Variants in NTM observed in about 807,000 individuals in gnomAD.
NTM encodes the protein neurotrimin, also known as IgLON family member 2.
Under a neutral mutation model 42.1 loss-of-function variants are expected in NTM, and 13 were observed. The ratio of observed to expected loss-of-function variants is 0.31; its 90% confidence interval spans 0.20 to 0.49. The LOEUF (loss-of-function observed/expected upper bound fraction) is 0.49, where lower values mean the gene tolerates loss of function less well. Among genes scored for constraint, NTM ranks in the 20% least tolerant of loss-of-function variants. The probability of loss-of-function intolerance (pLI) is 0.99; values close to 1 mark genes in which losing one functional copy is unlikely to be tolerated. For synonymous variants in NTM, 187 were observed against 179.2 expected (o/e 1.04, Z -0.35); for missense variants, 373 against 452.8 (o/e 0.82, Z 1.60).
chr11:131,375,192 G>T (rs35974940), intron 1 of NTM, among the ~76,000 whole-genome samples: 4,981 of 152,102 alleles, frequency 0.033, 98 homozygotes, highest in Middle Eastern at 0.048. Flanking sequence ...CCCTCTGCGG[G>T]CCTATCTCCC....
chr11:132,163,447 T>A (rs755293029), intron 3 of NTM, among the ~76,000 whole-genome samples: 4 of 152,218 alleles, frequency 2.6e-5, no homozygotes, highest in Non-Finnish European at 5.9e-5. Context: ...AACCTGATTA[T>A]GTGGCAGCCA....
At chr11:132,198,079 C>T (rs1279779291) in intron 3 of NTM, among the ~76,000 whole-genome samples, 2 of 152,198 alleles carry the variant, frequency 1.3e-5, no homozygotes, top group African/African-American at 2.4e-5. Context: ...GCCACCCTGA[C>T]TTCCACAATG....
At chr11:132,025,440 C>T (rs1319809402) in intron 2 of NTM, among the ~76,000 whole-genome samples, 1 of 152,174 alleles carries the variant, frequency 6.6e-6, no homozygotes, top group Admixed American at 6.5e-5. Flanking sequence ...AAAATGTGGT[C>T]CTGGGACTTG....
chr11:131,483,006 C>G (rs530171295), intron 1 of NTM, among the ~76,000 whole-genome samples: 1 of 152,180 alleles, frequency 6.6e-6, no homozygotes, highest in Non-Finnish European at 1.5e-5. Context: ...AAGCAGATCT[C>G]TTTTAATCTT....
At chr11:132,088,536 A>C (rs1045376814) in intron 2 of NTM, among the ~76,000 whole-genome samples, 10 of 152,184 alleles carry the variant, frequency 6.6e-5, no homozygotes, top group African/African-American at 2.2e-4. Context: ...TCCTGCATGC[A>C]GGTTTCCCCC....
chr11:131,396,833 CAA>C (rs143652343), intron 1 of NTM, among the ~76,000 whole-genome samples: 1 of 143,732 alleles, frequency 7.0e-6, no homozygotes, highest in Non-Finnish European at 1.5e-5. Flanking sequence ...AATTCTGTCT[CAA>C]AAAAAAAAAA....
At chr11:131,567,060 G>GT (rs1169766352) in intron 1 of NTM, among the ~76,000 whole-genome samples, 2 of 152,078 alleles carry the variant, frequency 1.3e-5, no homozygotes, top group East Asian at 3.9e-4. Flanking sequence ...GGGGTTGGGT[G>GT]TAAGCTGGGG....
intron 1 of NTM, among the ~76,000 whole-genome samples, chr11:131,869,176 T>C (rs1219561304): frequency 6.6e-6 from 1 of 152,178 alleles, no homozygotes; most frequent in Non-Finnish European, 1.5e-5. Context: ...CTTTTTTTAA[T>C]GTGTGTGCTA....
intron 1 of NTM, among the ~76,000 whole-genome samples, chr11:131,482,994 T>C (rs1953774930): frequency 1.3e-5 from 2 of 152,220 alleles, no homozygotes; most frequent in African/African-American, 4.8e-5. Flanking sequence ...CTGATGGTTA[T>C]CAAGCAGATC....
At chr11:131,424,520 A>C (rs1344387307) in intron 1 of NTM, among the ~76,000 whole-genome samples, 1 of 150,840 alleles carries the variant, frequency 6.6e-6, no homozygotes, top group East Asian at 2.0e-4. Context: ...GTGAAGCAGC[A>C]TGTTTATCTC....
At chr11:132,251,569 G>T (rs1453156550) in intron 4 of NTM, among the ~76,000 whole-genome samples, 1 of 152,162 alleles carries the variant, frequency 6.6e-6, no homozygotes, top group Non-Finnish European at 1.5e-5. Flanking sequence ...AAAGGGCAAG[G>T]CATGTGGAAG....
chr11:132,290,270 T>C (rs2094411679), intron 4 of NTM, among the ~76,000 whole-genome samples: 1 of 152,014 alleles, frequency 6.6e-6, no homozygotes, highest in Non-Finnish European at 1.5e-5. Flanking sequence ...TTTTTTTTTT[T>C]TATTATCACT....
In NTM at chr11:132,243,474, G is replaced by A. The variant is rs190880304; in HGVS notation, c.526+31327G>A. On this transcript the variant is annotated intron_variant, in intron 4 of 8. Coordinates refer to ENST00000683400, the MANE Select transcript of NTM (RefSeq NM_001352005.2). ...GCTCTGAATAATTCTCTGTGGGGCT[G>A]GCCTGGGAGTGCAGAATCCCTCTGC... Among the ~76,000 whole-genome samples, 27 of 152,298 alleles carry A rather than the reference G, an allele frequency of 1.8e-4. No individual in the cohort carries two copies. In the East Asian group the frequency reaches 5.0e-3, roughly 28 times the overall value.
At chr11:132,259,873 C>T (rs1167758105) in intron 4 of NTM, among the ~76,000 whole-genome samples, 4 of 151,806 alleles carry the variant, frequency 2.6e-5, no homozygotes, top group East Asian at 2.0e-4. Flanking sequence ...CTCAGCCTGC[C>T]AAGAAGCTGG....
At chr11:131,809,927 T>C (rs2092669502) in intron 1 of NTM, among the ~76,000 whole-genome samples, 1 of 152,236 alleles carries the variant, frequency 6.6e-6, no homozygotes, top group South Asian at 2.1e-4. Flanking sequence ...GATAGAAGGT[T>C]AATGCATACG....
chr11:132,186,397 G>A (rs771500979), intron 3 of NTM, among the ~76,000 whole-genome samples: 9 of 152,128 alleles, frequency 5.9e-5, no homozygotes, highest in Non-Finnish European at 8.8e-5. Flanking sequence ...AAATCTCCTT[G>A]GAGGGAATCC....
At chr11:131,803,546 G>A (rs2092300738) in intron 1 of NTM, among the ~76,000 whole-genome samples, 1 of 152,190 alleles carries the variant, frequency 6.6e-6, no homozygotes, top group East Asian at 1.9e-4. Flanking sequence ...CTGACCTCAA[G>A]CAATCCGCCC....
At chr11:131,654,610 G>A (rs1472689982) in intron 1 of NTM, among the ~76,000 whole-genome samples, 1 of 152,162 alleles carries the variant, frequency 6.6e-6, no homozygotes, top group African/African-American at 2.4e-5. Flanking sequence ...GGGAGGTGTT[G>A]GGTAATGGGA....
chr11:131,630,317 GT>G (rs369245216), intron 1 of NTM, among the ~76,000 whole-genome samples: 2 of 151,936 alleles, frequency 1.3e-5, no homozygotes, highest in South Asian at 2.1e-4. Flanking sequence ...AATATATATT[GT>G]TTTCTCTCTG....
Sources: allele counts gnomAD v4.1 joint callset (sites outside exome capture counted in the v4.1 genomes callset), GRCh38; gene constraint gnomAD v4.1.1; transcripts MANE v1.5; gene names NCBI Gene and HGNC (gene_info 2026-07-23, HGNC 2026-07-21).